Variants in SLC22A16 observed in about 807,000 individuals in gnomAD.
SLC22A16 encodes the protein solute carrier family 22 member 16, also known as WUGSC:RG331P03.1.
Under a neutral mutation model 52.9 loss-of-function variants are expected in SLC22A16, and 53 were observed. The ratio of observed to expected loss-of-function variants is 1.00; its 90% CI spans 0.80 to 1.26. The LOEUF (loss-of-function observed/expected upper bound fraction) is 1.26. Ranked by LOEUF, SLC22A16 falls within the 50% of genes most tolerant of loss-of-function variation. The probability of loss-of-function intolerance (pLI) is 0.00; values close to 1 mark genes in which losing one functional copy is unlikely to be tolerated. For missense variants in SLC22A16, 726 were observed against 704.0 expected (o/e 1.03, Z -0.35); for synonymous variants, 291 against 268.8 (o/e 1.08, Z -0.81).
intron 6 of SLC22A16, among the ~76,000 whole-genome samples, chr6:110,433,017 AC>A (rs1295341389): frequency 2.6e-5 from 4 of 152,170 alleles, no homozygotes; most frequent in Non-Finnish European, 4.4e-5. Context: ...TTTGGCCACG[AC>A]CCTAATCTTG....
chr6:110,475,303 T>C (rs939872933), intron 1 of SLC22A16, among the ~76,000 whole-genome samples: 1 of 152,144 alleles, frequency 6.6e-6, no homozygotes, highest in Admixed American at 6.5e-5. Context: ...GCCCTGCTAG[T>C]ATTAGATTTG....
At chr6:110,441,592 AG>A (rs1462751766) in intron 4 of SLC22A16, among the ~76,000 whole-genome samples, 1 of 152,210 alleles carries the variant, frequency 6.6e-6, no homozygotes, top group Non-Finnish European at 1.5e-5. Context: ...AGCTTTCTGG[AG>A]GGCCAAAGAA....
chr6:110,436,402 A>G (rs1774730781), intron 5 of SLC22A16, among the ~76,000 whole-genome samples: 2 of 152,212 alleles, frequency 1.3e-5, no homozygotes, highest in South Asian at 2.1e-4. Flanking sequence ...AGGCAGGAGA[A>G]TCACTTGAGG....
At chr6:110,434,030 CAG>C (rs754177256) in intron 6 of SLC22A16, among the ~76,000 whole-genome samples, 1 of 152,106 alleles carries the variant, frequency 6.6e-6, no homozygotes, top group Non-Finnish European at 1.5e-5. Context: ...CACTTGAGGT[CAG>C]GAGTTTGAGA....
At chr6:110,468,692 AG>A (rs1215706568) in intron 1 of SLC22A16, among the ~76,000 whole-genome samples, 2 of 151,960 alleles carry the variant, frequency 1.3e-5, no homozygotes, top group Non-Finnish European at 2.9e-5. Context: ...AAGAAGAAAA[AG>A]AAAAAAAGAA....
At chr6:110,459,747 A>G (rs564365896) in intron 1 of SLC22A16, among the ~76,000 whole-genome samples, 13 of 152,318 alleles carry the variant, frequency 8.5e-5, no homozygotes, top group Admixed American at 5.9e-4. Flanking sequence ...GGGACTCTGT[A>G]CTATCTGTGT....
chr6:110,473,828 T>C (rs1776361474), intron 1 of SLC22A16, among the ~76,000 whole-genome samples: 1 of 151,840 alleles, frequency 6.6e-6, no homozygotes, highest in Admixed American at 6.6e-5. Context: ...CCTGGCCTGT[T>C]TTCCCCTTTT....
Position 110,424,849 on chromosome 6 carries a change from T to G in SLC22A16, c.*24A>C, listed in dbSNP as rs1378688832. The G allele has an allele frequency of 1.2e-6, 2 of 1,613,796 alleles. No individual in the cohort carries two copies. The highest frequency in any genetic ancestry group is 2.7e-5 in the African/African-American group (2 of 74,910). On this transcript the variant is annotated 3_prime_UTR_variant, in exon 8 of 8. Transcript: ENST00000368919. ...GCATTAGGGTAAATAATATTTCAGG[T>G]GCTAGACAGCAGGCATGGCACATTT... is the stretch of plus-strand genomic sequence containing the variant.
chr6:110,472,934 T>C (rs1232907871), intron 1 of SLC22A16, among the ~76,000 whole-genome samples: 5 of 152,164 alleles, frequency 3.3e-5, no homozygotes, highest in Admixed American at 2.0e-4. Context: ...CCATTCCATA[T>C]AAAAGCATAA....
chr6:110,442,329 C>A lies in SLC22A16; in HGVS notation c.1098G>T (p.Trp366Cys). Residue 366 changes from tryptophan to cysteine, a missense_variant, in exon 4 of 8, where the codon TGG becomes TGT. Physicochemically the swap from Trp to Cys is radical, Grantham distance 215. Coordinates refer to ENST00000368919, the MANE Select transcript of SLC22A16 (RefSeq NM_033125.4). Reference protein sequence around the residue: ...TKRTLTVWLIWFTGSLGFYSF... With the variant: ...TKRTLTVWLICFTGSLGFYSF... Reference sequence around the variant, plus strand: ...AGTAGAATCCCAAACTTCCAGTGAACCAGATTAGCCAAACGGTAAGTGTCC... The same window carrying A: ...AGTAGAATCCCAAACTTCCAGTGAAACAGATTAGCCAAACGGTAAGTGTCC... The A allele has an allele frequency of 6.2e-7, 1 of 1,614,124 alleles. No individual in the cohort carries two copies. The highest frequency in any genetic ancestry group is 2.2e-5 in the East Asian group (1 of 44,868).
At chr6:110,429,636 G>C (rs953154961) in intron 7 of SLC22A16, among the ~76,000 whole-genome samples, 1 of 152,186 alleles carries the variant, frequency 6.6e-6, no homozygotes, top group Non-Finnish European at 1.5e-5. Context: ...GCCCAGCTGT[G>C]GGGATGCAAA....
At chr6:110,476,426 G>C (rs941432059) in intron 1 of SLC22A16, 96 bp downstream of exon 1, 6 of 1,400,200 alleles carry the variant, frequency 4.3e-6, no homozygotes, top group African/African-American at 3.0e-5. Flanking sequence ...GATGTTTTCG[G>C]ATCGCGAGCG....
intron 6 of SLC22A16, among the ~76,000 whole-genome samples, chr6:110,432,006 T>C (rs79105410): frequency 0.01 from 1,592 of 152,252 alleles, 27 homozygotes; most frequent in African/African-American, 0.037. Flanking sequence ...ACTGTTCTAT[T>C]TCAACTTTTT....
At chr6:110,428,519 G>T (rs1206658289) in intron 7 of SLC22A16, among the ~76,000 whole-genome samples, 2 of 152,176 alleles carry the variant, frequency 1.3e-5, no homozygotes, top group Admixed American at 6.5e-5. Flanking sequence ...GTGACCCTGG[G>T]CTAATAACTA....
In SLC22A16 at chr6:110,442,133, G is replaced by A. The variant is rs566217438; in HGVS notation, c.1183+111C>T. ...TGGCAGTATTGTTCCTGGTTTTAAA[G>A]GGCCTATTAAAAACATTCTTTTTCT... On this transcript the variant is annotated intron_variant, in intron 4 of 7. Coordinates refer to ENST00000368919, the MANE Select transcript of SLC22A16 (RefSeq NM_033125.4). The A allele has an allele frequency of 1.8e-5, 18 of 999,038 alleles. 1 individual carries two copies. The African/African-American group carries it at 2.3e-4, about 13-fold the overall frequency. The allele number at this position is 999,038 out of a possible 1,614,324, so 61.9% of individuals were successfully genotyped here.
chr6:110,476,479 G>T, intron 1 of SLC22A16, 43 bp downstream of exon 1: 1 of 1,472,760 alleles, frequency 6.8e-7, no homozygotes, highest in East Asian at 2.7e-5. Context: ...CAGACCCCTC[G>T]GCGCCGCCTC....
intron 2 of SLC22A16, 87 bp downstream of exon 2, chr6:110,456,451 T>C (rs1180715803): frequency 6.7e-7 from 1 of 1,492,678 alleles, no homozygotes; most frequent in African/African-American, 1.4e-5. Context: ...AATGACAAGT[T>C]TTAAACATAA....
At chr6:110,468,293 A>G (rs1776140620) in intron 1 of SLC22A16, among the ~76,000 whole-genome samples, 2 of 152,176 alleles carry the variant, frequency 1.3e-5, no homozygotes, top group Non-Finnish European at 2.9e-5. Context: ...TGATGGGCTA[A>G]TGGGAGCTAG....
chr6:110,442,477 GCC>G lies in SLC22A16; in HGVS notation c.948_949del (p.Arg316SerfsTer5). On this transcript the variant is annotated frameshift_variant, in exon 4 of 8. Coordinates refer to ENST00000368919, the MANE Select transcript of SLC22A16 (RefSeq NM_033125.4). LOFTEE classifies it high-confidence loss of function. The stretch of plus-strand genomic sequence containing the variant: ...AAGTTCTGACAGTTTACAGGAGCTT[GCC>G]CTGTTCCACTTGGCCATGATGTCAA... 1 of 1,614,188 alleles carries G rather than the reference GCC, an allele frequency of 6.2e-7. No individual in the cohort carries two copies. The highest frequency in any genetic ancestry group is 8.5e-7 in the Non-Finnish European group (1 of 1,180,036).
Sources: gnomAD v4.1 joint callset for allele counts (sites outside exome capture counted in the v4.1 genomes callset) on GRCh38, gnomAD v4.1.1 for gene constraint, MANE v1.5 for transcripts, NCBI Gene and HGNC (gene_info 2026-07-23, HGNC 2026-07-21) for gene names.